The following RALGAPA2 variants were observed in gnomAD, a reference collection of about 807,000 sequenced individuals.
RALGAPA2 encodes ral GTPase-activating protein subunit alpha-2.
In RALGAPA2, 139 loss-of-function variants were observed where a neutral mutation model predicts 230.4. The ratio of observed to expected loss-of-function variants is 0.60; its 90% confidence interval spans 0.53 to 0.69. RALGAPA2 has a LOEUF of 0.69. Ranked by LOEUF, RALGAPA2 falls within the 30% of genes least tolerant of loss-of-function variation. The pLI is 0.00. For missense variants in RALGAPA2, 2,163 were observed against 2,276.0 expected (o/e 0.95, Z 1.01); for synonymous variants, 847 against 837.8 (o/e 1.01, Z -0.19).
In RALGAPA2 at chr20:20,398,229, C is replaced by T. The variant is rs1251408601; in HGVS notation, c.5618-1495G>A. On this transcript the variant is annotated intron_variant, in intron 38 of 39. Transcript: ENST00000202677. This position sits in a 1 kb window ranked among gnomAD's most constrained non-coding sequence, Gnocchi z 4.5. The stretch of plus-strand genomic sequence containing the variant: ...TCTCTTTATGAAGGCGCTCCTTGAT[C>T]TCACTCCTCTGCAGCCCCTCAGCCC... Among the ~76,000 whole-genome samples the T allele has an allele frequency of 1.3e-5, 2 of 152,212 alleles. No individual in the cohort carries two copies. The highest frequency in any genetic ancestry group is 2.9e-5 in the Non-Finnish European group (2 of 68,040).
At chr20:20,443,416 T>C (rs533244448) in intron 37 of RALGAPA2, among the ~76,000 whole-genome samples, 295 of 152,360 alleles carry the variant, frequency 1.9e-3, no homozygotes, top group Non-Finnish European at 3.5e-3. Context: ...GGGAGAACTA[T>C]GAAACGATGT....
rs1236480666 is a variant in RALGAPA2, at chr20:20,551,546, G to A, written c.3157-4714C>T. Among the ~76,000 whole-genome samples the A allele has an allele frequency of 2.0e-5, 3 of 152,322 alleles. No homozygotes were observed. The East Asian group carries it at 5.8e-4, about 29-fold the overall frequency. ...CTGGTTATGAGAAAGTAACTGGTGA[G>A]AACATCTGTCTCTTATCACTGATCT... On this transcript the variant is annotated intron_variant, in intron 23 of 39. Transcript: ENST00000202677.
rs140505948 is a variant in RALGAPA2, at chr20:20,628,018, G to A, written c.1233+1345C>T. On this transcript the variant is annotated intron_variant, in intron 10 of 39. Transcript: ENST00000202677. The stretch of plus-strand genomic sequence containing the variant: ...ACATGAAACAGAGAAGACACAGAGA[G>A]TGAGAAGAACCAAGGCAGTGCCGGG... 1.9e-4 allele frequency among the ~76,000 whole-genome samples: 29 copies of A among 152,266 alleles called. No individual in the cohort carries two copies. In the South Asian group the frequency reaches 5.0e-3, roughly 26 times the overall value.
At chr20:20,480,243 A>G (rs1201831429) in intron 36 of RALGAPA2, among the ~76,000 whole-genome samples, 1 of 152,238 alleles carries the variant, frequency 6.6e-6, no homozygotes, top group African/African-American at 2.4e-5. Context: ...AAAAAAAGCC[A>G]AAGAAGAACT....
chr20:20,478,003 C>T (rs948840297), intron 36 of RALGAPA2, among the ~76,000 whole-genome samples: 1 of 152,156 alleles, frequency 6.6e-6, no homozygotes, highest in African/African-American at 2.4e-5. Context: ...TGTTTGCTGG[C>T]CTCTCTTCTA....
intron 1 of RALGAPA2, among the ~76,000 whole-genome samples, chr20:20,697,136 T>G (rs1969154148): frequency 1.3e-5 from 2 of 152,202 alleles, no homozygotes; most frequent in Admixed American, 6.5e-5. Flanking sequence ...GTGGAATGAC[T>G]TTAAAAACAG....
intron 4 of RALGAPA2, among the ~76,000 whole-genome samples, chr20:20,652,369 C>T (rs1230124727): frequency 1.3e-5 from 2 of 152,152 alleles, no homozygotes; most frequent in African/African-American, 4.8e-5. Flanking sequence ...TTCCTCTGAA[C>T]AGAATTATTC....
chr20:20,459,677 A>G (rs2061256180), intron 37 of RALGAPA2, among the ~76,000 whole-genome samples: 1 of 152,178 alleles, frequency 6.6e-6, no homozygotes, highest in Non-Finnish European at 1.5e-5. Context: ...ATGGACACCA[A>G]TATAATAAAT....
chr20:20,526,768 C>T (rs1455793433), intron 27 of RALGAPA2, among the ~76,000 whole-genome samples: 3 of 152,178 alleles, frequency 2.0e-5, no homozygotes, highest in Non-Finnish European at 4.4e-5. Flanking sequence ...ACTGACAGCT[C>T]TGCAAGGTAG....
At chr20:20,689,895 C>T (rs946883348) in intron 1 of RALGAPA2, among the ~76,000 whole-genome samples, 4 of 152,164 alleles carry the variant, frequency 2.6e-5, no homozygotes, top group Admixed American at 6.5e-5. Context: ...TCCCACAAAC[C>T]GAAATACCAG....
At position 20,712,381 on chromosome 20, in the gene RALGAPA2, G is replaced by A. The variant is rs1377504630; in HGVS notation, c.100C>T (p.Leu34=). Residue 34 remains leucine, a synonymous_variant, in exon 1 of 40, where the codon CTG becomes TTG. Coordinates refer to ENST00000202677, the MANE Select transcript of RALGAPA2 (RefSeq NM_020343.4). The surrounding 1 kb of genome is among the most constrained non-coding windows in gnomAD (Gnocchi z 5.5). The part of the protein sequence containing the change: ...VLTRLKHLRA[L]LDNVDANDLK... ...CGCCCGGCGCGCGCCTCACCCAGCA[G>A]CGCCCGCAGGTGCTTCAGGCGGGTC... 1.3e-6 allele frequency: 2 copies of A among 1,547,442 alleles called. No individual in the cohort carries two copies. The highest frequency in any genetic ancestry group is 1.7e-6 in the Non-Finnish European group (2 of 1,145,056).
intron 2 of RALGAPA2, among the ~76,000 whole-genome samples, chr20:20,679,986 T>A (rs1398100623): frequency 2.0e-5 from 3 of 152,236 alleles, no homozygotes; most frequent in African/African-American, 7.2e-5. Flanking sequence ...TGACAGCAGC[T>A]ACTACTTACT....
chr20:20,424,845 T>A (rs922108988), intron 37 of RALGAPA2, among the ~76,000 whole-genome samples: 1 of 151,584 alleles, frequency 6.6e-6, no homozygotes, highest in Admixed American at 6.6e-5. Flanking sequence ...CTAAATGTCT[T>A]AAATCCTGTT....
intron 37 of RALGAPA2, among the ~76,000 whole-genome samples, chr20:20,446,426 ATTACTT>A (rs2060864812): frequency 6.6e-6 from 1 of 152,208 alleles, no homozygotes; most frequent in South Asian, 2.1e-4. Flanking sequence ...TTCTGCTGCC[ATTACTT>A]TTAAAGGCAA....
At chr20:20,465,476 G>C (rs149297798) in intron 37 of RALGAPA2, among the ~76,000 whole-genome samples, 2 of 152,274 alleles carry the variant, frequency 1.3e-5, no homozygotes, top group South Asian at 2.1e-4. Flanking sequence ...ATGATGGTTG[G>C]TAGTGAGATG....
intron 39 of RALGAPA2, among the ~76,000 whole-genome samples, chr20:20,396,178 C>T (rs936939432): frequency 2.0e-5 from 3 of 152,248 alleles, no homozygotes; most frequent in Non-Finnish European, 2.9e-5. Flanking sequence ...AGGTCTCCAC[C>T]CTCTGCGCTC....
intron 1 of RALGAPA2, among the ~76,000 whole-genome samples, chr20:20,685,558 C>T (rs577030265): frequency 2.0e-5 from 3 of 152,248 alleles, no homozygotes; most frequent in African/African-American, 4.8e-5. Context: ...CTGTTGGGGA[C>T]GTCAACAGAA....
chr20:20,495,658 A>T (rs1291099044), intron 35 of RALGAPA2, among the ~76,000 whole-genome samples: 1 of 152,244 alleles, frequency 6.6e-6, no homozygotes, highest in East Asian at 1.9e-4. Context: ...GTTGTGCTTT[A>T]TAAGATTCTC....
In RALGAPA2 at chr20:20,571,622, G is replaced by A. The variant is rs571004915; in HGVS notation, c.3001-9C>T. 1.6e-4 allele frequency: 257 copies of A among 1,605,950 alleles called. 2 individuals are homozygous for A. The South Asian group carries it at 2.7e-3, about 17-fold the overall frequency. ...TTTGGCAGTGTCGCCGCCTGTCAAG[G>A]AGATGATGTTTCCAGATTAAATCAA... On this transcript the variant is annotated splice_polypyrimidine_tract_variant and intron_variant, in intron 22 of 39. Coordinates refer to ENST00000202677, the MANE Select transcript of RALGAPA2 (RefSeq NM_020343.4).
Sources: gnomAD v4.1 joint callset for allele counts (sites outside exome capture counted in the v4.1 genomes callset) on GRCh38, gnomAD v4.1.1 for gene constraint, Gnocchi (gnomAD v3.1) non-coding constraint, MANE v1.5 for transcripts, NCBI Gene and HGNC (gene_info 2026-07-23, HGNC 2026-07-21) for gene names.